UHMK1: variants seen among roughly 807,000 people sequenced by gnomAD.
UHMK1 encodes serine/threonine-protein kinase Kist.
Under a neutral mutation model 44.0 loss-of-function variants are expected in UHMK1, and 18 were observed. The observed-to-expected ratio is 0.41, with a 90% confidence interval of 0.28 to 0.61. UHMK1 has a LOEUF of 0.61. UHMK1 is among the 20% of genes least tolerant of loss of function. The probability of loss-of-function intolerance (pLI) is 0.31; values close to 1 mark genes in which losing one functional copy is unlikely to be tolerated. For missense variants in UHMK1, 463 were observed against 522.5 expected (o/e 0.89, Z 1.11); for synonymous variants, 231 against 198.5 (o/e 1.16, Z -1.38).
At chr1:162,511,379 C>T (rs549294294) in intron 4 of UHMK1, among the ~76,000 whole-genome samples, 10 of 151,912 alleles carry the variant, frequency 6.6e-5, no homozygotes, top group Admixed American at 1.3e-4. Flanking sequence ...GTTGCCCAGG[C>T]TGGTCTCGGA....
chr1:162,500,090 T>TA lies in UHMK1; in HGVS notation c.405dup (p.Gln136ThrfsTer17), dbSNP rs1557938900. The stretch of plus-strand genomic sequence containing the variant: ...CACCAGGGTTGTTCCATGTGGATGA[T>TA]ACAGCATTGTGCCCGAGATGTTTTG... On this transcript the variant is annotated frameshift_variant, in exon 2 of 8. Coordinates refer to ENST00000489294, the MANE Select transcript of UHMK1 (RefSeq NM_175866.5). LOFTEE classifies it high-confidence loss of function. 1 of 1,614,234 alleles carries TA rather than the reference T, an allele frequency of 6.2e-7. No individual in the cohort carries two copies. The highest frequency in any genetic ancestry group is 2.2e-5 in the East Asian group (1 of 44,890).
Position 162,500,904 on chromosome 1 carries a change from CT to C in UHMK1, c.562-3del. 6.2e-7 allele frequency: 1 copy of C among 1,606,418 alleles called. No homozygotes were observed. Among genetic ancestry groups the C allele is most frequent in the South Asian group, 1.1e-5 (1 of 90,540 alleles). On this transcript the variant is annotated splice_region_variant and splice_polypyrimidine_tract_variant and intron_variant, in intron 2 of 7. Transcript: ENST00000489294. ...TTTATTGGTTGTAATATTTACTCAT[CT>C]TTTTTAGGATGTAAAGTATATTCAG...
chr1:162,500,006 G>T lies in UHMK1; in HGVS notation c.320G>T (p.Arg107Leu). 6.2e-7 allele frequency: 1 copy of T among 1,614,122 alleles called. No individual in the cohort carries two copies. Among genetic ancestry groups the T allele is most frequent in the Non-Finnish European group, 8.5e-7 (1 of 1,180,034 alleles). The change falls in exon 2 of 8, where the codon CGC becomes CTC. Residue 107 changes from arginine (R) to leucine (L), a missense_variant. By Grantham distance (102) the Arg-to-Leu change is moderately radical. Around this residue, in one of 3 missense-constraint regions of UHMK1, gnomAD observed 191 missense variants for 176.0 expected, o/e 1.09. Transcript: ENST00000489294. ...CACTTTTCTCCAAATGTGCCATCACGCTGTCTGTTGCTTGAACTCCTGGAT... is the reference window on the plus strand; with the variant it reads ...CACTTTTCTCCAAATGTGCCATCACTCTGTCTGTTGCTTGAACTCCTGGAT... Reference protein sequence around the residue: ...TIHFSPNVPSRCLLLELLDVS... With the variant: ...TIHFSPNVPSLCLLLELLDVS...
chr1:162,511,189 C>CTTT (rs142796500), intron 4 of UHMK1, among the ~76,000 whole-genome samples: 15 of 100,922 alleles, frequency 1.5e-4, no homozygotes, highest in Non-Finnish European at 1.9e-4. Flanking sequence ...TTTTCTTTTT[C>CTTT]TTTTTTTTTT....
At chr1:162,516,656 G>A (rs921178588) in intron 6 of UHMK1, among the ~76,000 whole-genome samples, 1 of 151,882 alleles carries the variant, frequency 6.6e-6, no homozygotes, top group African/African-American at 2.4e-5. Flanking sequence ...AAAAGACAAA[G>A]GATAGTTTAA....
chr1:162,505,992 A>C lies in UHMK1; in HGVS notation c.848+2144A>C, dbSNP rs1651455081. Reference sequence around the variant, plus strand: ...AAAACCAGTAAATTGAAATAGGTATAATCCACATGATTTATTCCTATTTCA... The same window carrying C: ...AAAACCAGTAAATTGAAATAGGTATCATCCACATGATTTATTCCTATTTCA... On this transcript the variant is annotated intron_variant, in intron 4 of 7. Coordinates refer to ENST00000489294, the MANE Select transcript of UHMK1 (RefSeq NM_175866.5). 3.3e-5 allele frequency among the ~76,000 whole-genome samples: 5 copies of C among 152,298 alleles called. No homozygotes were observed. The South Asian group carries it at 1.0e-3, about 32-fold the overall frequency.
intron 6 of UHMK1, among the ~76,000 whole-genome samples, chr1:162,513,992 G>A (rs906895063): frequency 6.6e-5 from 10 of 152,152 alleles, no homozygotes; most frequent in Admixed American, 1.3e-4. Context: ...TTTTAGTAGG[G>A]ACATTTTGGA....
At chr1:162,522,003 A>G (rs1314643796) in intron 7 of UHMK1, among the ~76,000 whole-genome samples, 1 of 152,202 alleles carries the variant, frequency 6.6e-6, no homozygotes, top group Non-Finnish European at 1.5e-5. Context: ...CTAAAAGTAC[A>G]GATTATCATC....
At chr1:162,512,078 T>C (rs1212728416) in intron 4 of UHMK1, among the ~76,000 whole-genome samples, 3 of 151,754 alleles carry the variant, frequency 2.0e-5, no homozygotes, top group Non-Finnish European at 4.4e-5. Context: ...TAGGGTGTCC[T>C]TATGGTTTTT....
At chr1:162,522,316 G>A in intron 7 of UHMK1, 88 bp from the exon 8 acceptor site, 1 of 1,432,032 alleles carries the variant, frequency 7.0e-7, no homozygotes, top group Non-Finnish European at 9.5e-7. Context: ...AACATCTCCA[G>A]TTGATGTATA....
chr1:162,521,223 AATG>A (rs768899263), intron 7 of UHMK1, among the ~76,000 whole-genome samples: 2 of 152,216 alleles, frequency 1.3e-5, no homozygotes, highest in Non-Finnish European at 2.9e-5. Context: ...TCAGAATTAA[AATG>A]ATACAGCCCT....
At chr1:162,503,912 T>C (rs1405875104) in intron 4 of UHMK1, 64 bp downstream of exon 4, 1 of 1,238,618 alleles carries the variant, frequency 8.1e-7, no homozygotes, top group African/African-American at 1.5e-5. Flanking sequence ...TACGTCTTTT[T>C]TTTCTCTGAA....
chr1:162,500,640 T>G (rs989610384), intron 2 of UHMK1: 17 of 437,396 alleles, frequency 3.9e-5, no homozygotes, highest in African/African-American at 3.2e-4. Context: ...GGTTTATCAT[T>G]TCTTTGCAGT....
In UHMK1 at chr1:162,522,386, TTC is replaced by T. The variant is rs746713737; in HGVS notation, c.1114-14_1114-13del. On this transcript the variant is annotated splice_polypyrimidine_tract_variant and intron_variant, in intron 7 of 7. Coordinates refer to ENST00000489294, the MANE Select transcript of UHMK1 (RefSeq NM_175866.5). ...ATCTTGGTGGAAATGAAATGTTTTT[TTC>T]TCTGTCTTCTTTCAGGTCTTTGTTG... 2 of 1,613,500 alleles carry T rather than the reference TTC, an allele frequency of 1.2e-6. No homozygotes were observed. The highest frequency in any genetic ancestry group is 2.2e-5 in the South Asian group (2 of 91,004).
At chr1:162,510,346 C>T (rs1651623407) in intron 4 of UHMK1, among the ~76,000 whole-genome samples, 1 of 152,198 alleles carries the variant, frequency 6.6e-6, no homozygotes, top group African/African-American at 2.4e-5. Flanking sequence ...CATCTTTTGG[C>T]TTTGGCCAAT....
Position 162,523,651 on chromosome 1 carries a change from G to A in UHMK1, c.*1101G>A, listed in dbSNP as rs555698938. 1.3e-5 allele frequency: 2 copies of A among 152,368 alleles called. No homozygotes were observed. Among genetic ancestry groups the A allele is most frequent in the Non-Finnish European group, 2.9e-5 (2 of 68,024 alleles). 9.4% of individuals were successfully genotyped at this position (152,368 alleles called of 1,614,324 possible). ...TGAAGGGAAAAGAAAAAAAATGGGC[G>A]AAGAGAGGGTGGAAAATAAAAGGAT... On this transcript the variant is annotated 3_prime_UTR_variant, in exon 8 of 8. Transcript: ENST00000489294.
In UHMK1 at chr1:162,500,187, T is replaced by G. The variant is rs926430191; in HGVS notation, c.501T>G (p.Ser167Arg). The change falls in exon 2 of 8, where the codon AGT becomes AGG. Residue 167 changes from serine to arginine, a missense_variant. Physicochemically the swap from Ser to Arg is moderately radical, Grantham distance 110. This residue lies in a region of UHMK1 where 264 missense variants were observed against 326.3 expected (regional missense o/e 0.81). Coordinates refer to ENST00000489294, the MANE Select transcript of UHMK1 (RefSeq NM_175866.5). ...ADLKPRNILW[S>R]AENECFKLID... ...TCAAACCACGTAACATATTGTGGAG[T>G]GCAGAGAATGAATGTTTTAAACTCA... is the stretch of plus-strand genomic sequence containing the variant. The G allele has an allele frequency of 3.7e-6, 6 of 1,614,090 alleles. No homozygotes were observed. The highest frequency in any genetic ancestry group is 4.2e-6 in the Non-Finnish European group (5 of 1,179,946).
Position 162,500,142 on chromosome 1 carries a change from G to A in UHMK1, c.456G>A (p.Glu152=). The A allele has an allele frequency of 6.2e-7, 1 of 1,614,190 alleles. No homozygotes were observed. Among genetic ancestry groups the A allele is most frequent in the Non-Finnish European group, 8.5e-7 (1 of 1,180,036 alleles). The change falls in exon 2 of 8, where the codon GAG becomes GAA. Residue 152 remains glutamate, a synonymous_variant. Coordinates refer to ENST00000489294, the MANE Select transcript of UHMK1 (RefSeq NM_175866.5). ...VLEALAFLHH[E]GYVHADLKPR... ...AGGCCCTTGCTTTTCTTCATCATGA[G>A]GGCTATGTCCATGCGGACCTCAAAC...
In UHMK1 at chr1:162,497,869, G is replaced by A. The variant is rs1651107541; in HGVS notation, c.-132G>A. 7.2e-7 allele frequency: 1 copy of A among 1,395,110 alleles called. No individual in the cohort carries two copies. The highest frequency in any genetic ancestry group is 1.5e-5 in the African/African-American group (1 of 66,376). The allele number at this position is 1,395,110 out of a possible 1,614,324, so 86.4% of individuals were successfully genotyped here. On this transcript the variant is annotated 5_prime_UTR_variant, in exon 1 of 8. Transcript: ENST00000489294. ...GTGTCATGGCTGCTTGAAGTCCCGG[G>A]AGTCGGTGAGGCGGCTGCAGGTCCC...
Sources: allele counts gnomAD v4.1 joint callset (sites outside exome capture counted in the v4.1 genomes callset), GRCh38; gene constraint gnomAD v4.1.1; regional missense constraint gnomAD v4.1.1; transcripts MANE v1.5; gene names NCBI Gene and HGNC (gene_info 2026-07-23, HGNC 2026-07-21).